PKHD1: variants seen among roughly 807,000 people sequenced by gnomAD.
PKHD1 encodes fibrocystin.
PKHD1 carries 291 observed loss-of-function variants against 412.0 expected under a neutral mutation model. That is an observed-to-expected ratio of 0.71 (90% CI 0.64 to 0.78). The LOEUF is 0.78. PKHD1 is among the 30% of genes least tolerant of loss of function. PKHD1 has a pLI of 0.00. For synonymous variants in PKHD1, 1,777 were observed against 1,821.5 expected (o/e 0.98, Z 0.62); for missense variants, 4,825 against 4,950.7 (o/e 0.97, Z 0.76).
At chr6:51,994,908 C>G (rs115071520) in intron 35 of PKHD1, among the ~76,000 whole-genome samples, 33 of 152,106 alleles carry the variant, frequency 2.2e-4, no homozygotes, top group Admixed American at 2.2e-3. Context: ...GACGTGCCTC[C>G]AAGCACACAG....
chr6:51,782,895 C>T (rs1044379628), intron 53 of PKHD1, among the ~76,000 whole-genome samples: 1 of 152,076 alleles, frequency 6.6e-6, no homozygotes, highest in Non-Finnish European at 1.5e-5. Flanking sequence ...ATCCAATGAG[C>T]CTTACAGAAC....
intron 37 of PKHD1, among the ~76,000 whole-genome samples, chr6:51,916,473 G>A (rs1783832452): frequency 6.6e-6 from 1 of 152,108 alleles, no homozygotes; most frequent in Admixed American, 6.6e-5. Context: ...ATAGATATCA[G>A]CACAAAGTTC....
Position 52,025,360 on chromosome 6 carries a change from C to T in PKHD1, c.4450G>A (p.Ala1484Thr), listed in dbSNP as rs144905283. 7.0e-5 allele frequency: 113 copies of T among 1,613,656 alleles called. 1 individual carries two copies. The African/African-American group carries it at 1.3e-3, about 18-fold the overall frequency. The change falls in exon 32 of 67, where the codon GCA becomes ACA. Residue 1484 changes from alanine to threonine, a missense_variant. Transcript: ENST00000371117. ...GACAAGGCATCCATGACAGGACTTG[C>T]CTCTTCCCTTATGAAAAGAGTGCAA... The part of the protein sequence containing the change: ...GNCTLFIREE[A>T]SPVMDALSTN...
chr6:51,791,201 C>A (rs1427698166), intron 53 of PKHD1, 35 bp downstream of exon 53: 7 of 1,607,598 alleles, frequency 4.4e-6, no homozygotes, highest in Non-Finnish European at 6.0e-6. Context: ...GAATATAATT[C>A]TCAACATGCT....
intron 50 of PKHD1, among the ~76,000 whole-genome samples, chr6:51,842,910 T>A (rs942502878): frequency 3.3e-5 from 5 of 152,178 alleles, no homozygotes; most frequent in African/African-American, 1.2e-4. Flanking sequence ...ATACCAGACC[T>A]TTTGCATAAG....
At chr6:51,660,003 T>C (rs748090402) in intron 60 of PKHD1, 34 bp from the exon 61 acceptor site, 1 of 1,258,140 alleles carries the variant, frequency 7.9e-7, no homozygotes, top group East Asian at 2.4e-5. Context: ...AAGTGATATA[T>C]GAATTATAAT....
intron 13 of PKHD1, 35 bp downstream of exon 13, chr6:52,064,920 C>T (rs781402756): frequency 1.1e-4 from 106 of 991,090 alleles, no homozygotes; most frequent in Non-Finnish European, 1.5e-4. Flanking sequence ...TAAAGATATT[C>T]AGAGTTTATT....
chr6:51,796,294 G>A (rs1452922089), intron 52 of PKHD1, among the ~76,000 whole-genome samples: 2 of 152,094 alleles, frequency 1.3e-5, no homozygotes, highest in East Asian at 3.8e-4. Context: ...TTATGTGCAA[G>A]AGGTGTTTAT....
chr6:52,058,278 T>C (rs1203066673), intron 16 of PKHD1, 45 bp downstream of exon 16: 3 of 1,605,576 alleles, frequency 1.9e-6, no homozygotes, highest in African/African-American at 1.3e-5. Context: ...TGGGACTTTA[T>C]TCCTTCCAGA....
At chr6:51,863,454 T>C (rs1227684630) in intron 48 of PKHD1, among the ~76,000 whole-genome samples, 1 of 152,124 alleles carries the variant, frequency 6.6e-6, no homozygotes, top group South Asian at 2.1e-4. Flanking sequence ...TAAACAACAA[T>C]GACAAAAATT....
At chr6:51,668,906 A>T (rs1361167816) in intron 60 of PKHD1, among the ~76,000 whole-genome samples, 1 of 152,180 alleles carries the variant, frequency 6.6e-6, no homozygotes, top group Non-Finnish European at 1.5e-5. Flanking sequence ...CCACTTGATC[A>T]TGGGGGATAA....
At chr6:51,670,506 G>T (rs1027492984) in intron 60 of PKHD1, among the ~76,000 whole-genome samples, 16 of 151,504 alleles carry the variant, frequency 1.1e-4, no homozygotes, top group African/African-American at 2.9e-4. Context: ...TATCCAGTTT[G>T]CCAGTCTGTG....
At chr6:51,650,276 T>C (rs1581837315) in intron 61 of PKHD1, among the ~76,000 whole-genome samples, 1 of 152,156 alleles carries the variant, frequency 6.6e-6, no homozygotes, top group Non-Finnish European at 1.5e-5. Context: ...AATAAAATTA[T>C]ATACCTATTG....
chr6:51,685,458 T>C (rs961535469), intron 60 of PKHD1, among the ~76,000 whole-genome samples: 3 of 152,182 alleles, frequency 2.0e-5, no homozygotes, highest in Non-Finnish European at 4.4e-5. Context: ...GTTAATTTCT[T>C]TGAGAGCATA....
chr6:51,654,026 T>A (rs1771396615), intron 61 of PKHD1, among the ~76,000 whole-genome samples: 1 of 152,128 alleles, frequency 6.6e-6, no homozygotes, highest in South Asian at 2.1e-4. Flanking sequence ...AAGGTCTTTC[T>A]AATGGAAGAG....
chr6:51,965,876 A>T (rs1792727254), intron 35 of PKHD1, among the ~76,000 whole-genome samples: 1 of 152,114 alleles, frequency 6.6e-6, no homozygotes, highest in African/African-American at 2.4e-5. Flanking sequence ...GTCTGCAGAC[A>T]GGACAAATTT....
At chr6:51,633,318 G>A (rs1768149695) in intron 64 of PKHD1, among the ~76,000 whole-genome samples, 1 of 152,048 alleles carries the variant, frequency 6.6e-6, no homozygotes, top group Admixed American at 6.6e-5. Context: ...TCCCATTTAT[G>A]GAGACAGAAA....
chr6:52,035,033 C>T (rs1210995907), intron 28 of PKHD1, among the ~76,000 whole-genome samples: 2 of 152,112 alleles, frequency 1.3e-5, no homozygotes, highest in Non-Finnish European at 2.9e-5. Flanking sequence ...AGGACCCAGA[C>T]TCAAATCCCT....
At chr6:52,068,537 G>A (rs1810098434) in intron 11 of PKHD1, among the ~76,000 whole-genome samples, 1 of 152,178 alleles carries the variant, frequency 6.6e-6, no homozygotes, top group Admixed American at 6.6e-5. Context: ...TAAGACCTTT[G>A]GCTTTGGACA....
Sources: allele counts gnomAD v4.1 joint callset (sites outside exome capture counted in the v4.1 genomes callset), GRCh38; gene constraint gnomAD v4.1.1; transcripts MANE v1.5; gene names NCBI Gene and HGNC (gene_info 2026-07-23, HGNC 2026-07-21).